Variants in IL20RB observed in about 807,000 individuals in gnomAD.
The protein encoded by IL20RB is interleukin-20 receptor subunit beta.
IL20RB carries 21 observed loss-of-function variants against 33.3 expected under a neutral mutation model. The ratio of observed to expected loss-of-function variants is 0.63; its 90% CI spans 0.45 to 0.91. IL20RB has a LOEUF of 0.91. Among genes scored for constraint, IL20RB ranks in the 40% least tolerant of loss-of-function variants. The pLI is 0.00. For synonymous variants in IL20RB, 147 were observed against 146.8 expected (o/e 1.00, Z -0.01); for missense variants, 345 against 384.8 (o/e 0.90, Z 0.86).
intron 2 of IL20RB, among the ~76,000 whole-genome samples, chr3:136,981,546 G>A (rs1287117802): frequency 6.6e-6 from 1 of 152,180 alleles, no homozygotes; most frequent in Admixed American, 6.5e-5. Context: ...GCCTCTCTGA[G>A]GAGGTGATAT....
At chr3:137,007,147 T>C (rs835651) in intron 6 of IL20RB, among the ~76,000 whole-genome samples, 91,166 of 152,020 alleles carry the variant, frequency 0.6, 27,844 homozygotes, top group East Asian at 0.9. Flanking sequence ...CTGCCTGATC[T>C]TTCCTCTGGA....
At chr3:136,978,237 C>T (rs144879193) in intron 1 of IL20RB, among the ~76,000 whole-genome samples, 268 of 149,460 alleles carry the variant, frequency 1.8e-3, no homozygotes, top group East Asian at 4.9e-3. Flanking sequence ...TTGATCTTGG[C>T]TCACTGCAAC....
intron 1 of IL20RB, among the ~76,000 whole-genome samples, chr3:136,969,769 GT>G (rs1347586642): frequency 6.6e-6 from 1 of 152,108 alleles, no homozygotes; most frequent in African/African-American, 2.4e-5. Flanking sequence ...TGAGATAGTG[GT>G]TTGCTGTTTT....
intron 1 of IL20RB, among the ~76,000 whole-genome samples, chr3:136,963,262 A>T (rs1941273456): frequency 6.6e-6 from 1 of 152,212 alleles, no homozygotes; most frequent in African/African-American, 2.4e-5. Flanking sequence ...ATTTGTGTGC[A>T]GGTCTTATGT....
intron 3 of IL20RB, among the ~76,000 whole-genome samples, chr3:136,985,670 T>C (rs1414619696): frequency 1.3e-5 from 2 of 152,150 alleles, no homozygotes; most frequent in Admixed American, 1.3e-4. Flanking sequence ...AACTTTTTAT[T>C]GAGAGCAGAG....
chr3:136,978,173 T>TC (rs989276930), intron 1 of IL20RB, among the ~76,000 whole-genome samples: 4 of 150,614 alleles, frequency 2.7e-5, no homozygotes, highest in African/African-American at 9.8e-5. Context: ...CTTGTTTTTT[T>TC]TTTTTTTTTT....
Position 136,958,911 on chromosome 3 carries a change from T to TTCTCTCTCTC in IL20RB, c.88+722_88+731dup, listed in dbSNP as rs3077025. Among the ~76,000 whole-genome samples the TTCTCTCTCTC allele has an allele frequency of 7.8e-3, 1,168 of 150,096 alleles. 12 individuals are homozygous for TTCTCTCTCTC. The highest frequency in any genetic ancestry group is 0.025 in the African/African-American group (1,031 of 40,934). On this transcript the variant is annotated intron_variant, in intron 1 of 6. Transcript: ENST00000329582. Reference sequence around the variant, plus strand: ...AGTGTTGATGGGAGCCTTGAGTACTTTCTCTCTCTCTCTCTCTCTCTGTCT... The same window carrying TTCTCTCTCTC: ...AGTGTTGATGGGAGCCTTGAGTACTTTCTCTCTCTCTCTCTCTCTCTCTCTCTCTCTGTCT...
chr3:137,009,444 C>G (rs542438203), intron 6 of IL20RB, among the ~76,000 whole-genome samples: 2 of 152,184 alleles, frequency 1.3e-5, no homozygotes, highest in African/African-American at 2.4e-5. Context: ...GGAACATCCT[C>G]TCTGTATTGG....
At chr3:136,975,711 C>T (rs1941600665) in intron 1 of IL20RB, among the ~76,000 whole-genome samples, 1 of 152,188 alleles carries the variant, frequency 6.6e-6, no homozygotes, top group Non-Finnish European at 1.5e-5. Flanking sequence ...GGTTAGGGTA[C>T]AGTTATTGGA....
At chr3:137,001,012 G>A (rs1942232597) in intron 6 of IL20RB, among the ~76,000 whole-genome samples, 1 of 152,088 alleles carries the variant, frequency 6.6e-6, no homozygotes, top group South Asian at 2.1e-4. Flanking sequence ...CCATGTAAAG[G>A]GTTAATAACT....
intron 1 of IL20RB, among the ~76,000 whole-genome samples, chr3:136,970,874 G>A (rs905907559): frequency 6.6e-6 from 1 of 151,882 alleles, no homozygotes; most frequent in Non-Finnish European, 1.5e-5. Context: ...GGATGGTCTC[G>A]ATCTCCTGAC....
intron 6 of IL20RB, among the ~76,000 whole-genome samples, chr3:137,005,333 T>C (rs1942329393): frequency 6.6e-6 from 1 of 152,196 alleles, no homozygotes; most frequent in South Asian, 2.1e-4. Flanking sequence ...TAACCTTCTG[T>C]CTCGTTGATC....
intron 3 of IL20RB, 54 bp downstream of exon 3, chr3:136,982,404 C>G (rs1040097260): frequency 7.8e-7 from 1 of 1,277,916 alleles, no homozygotes; most frequent in African/African-American, 1.5e-5. Context: ...CCTTTAGGAA[C>G]CATGTTCACC....
chr3:137,010,329 G>A lies in IL20RB; in HGVS notation c.*106G>A. ...TTTCCGCCACGGACAAGGGATGAGAGAAGTAGGAAGAGCCTGTTGTCTACA... is the reference window on the plus strand; with the variant it reads ...TTTCCGCCACGGACAAGGGATGAGAAAAGTAGGAAGAGCCTGTTGTCTACA... On this transcript the variant is annotated 3_prime_UTR_variant, in exon 7 of 7. Coordinates refer to ENST00000329582, the MANE Select transcript of IL20RB (RefSeq NM_144717.4). The A allele has an allele frequency of 4.4e-6, 3 of 682,806 alleles. No homozygotes were observed. Among genetic ancestry groups the A allele is most frequent in the Non-Finnish European group, 8.1e-6 (3 of 371,416 alleles). The allele number at this position is 682,806 out of a possible 1,614,324, so 42.3% of individuals were successfully genotyped here. A position where few individuals can be genotyped will look rare whatever the true frequency, so the allele number is the denominator to read the frequency against.
chr3:136,976,097 T>C (rs1941611526), intron 1 of IL20RB, among the ~76,000 whole-genome samples: 1 of 152,164 alleles, frequency 6.6e-6, no homozygotes, highest in African/African-American at 2.4e-5. Flanking sequence ...AGGTGCCAGT[T>C]GAGGTGATGG....
chr3:137,007,206 C>T (rs1942366535), intron 6 of IL20RB, among the ~76,000 whole-genome samples: 1 of 151,990 alleles, frequency 6.6e-6, no homozygotes, highest in Non-Finnish European at 1.5e-5. Context: ...CTGTCAGCCC[C>T]TACTGGGAGG....
At chr3:136,980,282 C>T in intron 1 of IL20RB, 184 bp from the exon 2 acceptor site, 1 of 609,744 alleles carries the variant, frequency 1.6e-6, no homozygotes, top group Non-Finnish European at 2.8e-6. Flanking sequence ...GGTTTATAAA[C>T]ATGTGAGGCT....
chr3:136,988,390 G>A (rs1258746089), intron 3 of IL20RB, among the ~76,000 whole-genome samples: 1 of 152,122 alleles, frequency 6.6e-6, no homozygotes, highest in East Asian at 1.9e-4. Flanking sequence ...CTTGCAATAT[G>A]GAAGATGATG....
intron 6 of IL20RB, among the ~76,000 whole-genome samples, chr3:136,996,621 G>A (rs1302079773): frequency 6.6e-6 from 1 of 152,164 alleles, no homozygotes; most frequent in African/African-American, 2.4e-5. Flanking sequence ...CCTCCACTCT[G>A]TTATCCTAAT....
Sources: gnomAD v4.1 joint callset for allele counts (sites outside exome capture counted in the v4.1 genomes callset) on GRCh38, gnomAD v4.1.1 for gene constraint, MANE v1.5 for transcripts, NCBI Gene and HGNC (gene_info 2026-07-23, HGNC 2026-07-21) for gene names.